Variants in HTR3E observed in about 807,000 individuals in gnomAD.
The protein encoded by HTR3E is 5-hydroxytryptamine receptor 3E, also known as 5-hydroxytryptamine (serotonin) receptor 3, family member E.
In HTR3E, 38 loss-of-function variants were observed where a neutral mutation model predicts 38.0. The ratio of observed to expected loss-of-function variants is 1.00; its 90% CI spans 0.77 to 1.31. The LOEUF (loss-of-function observed/expected upper bound fraction) is 1.31, where lower values mean the gene tolerates loss of function less well. Ranked by LOEUF, HTR3E falls within the 50% of genes most tolerant of loss-of-function variation. HTR3E has a pLI of 0.00. For synonymous variants in HTR3E, 210 were observed against 232.9 expected, an observed-to-expected ratio of 0.90 and a Z score of 0.89; for missense variants, 547 against 585.2, an observed-to-expected ratio of 0.93 and a Z score of 0.67.
intron 1 of HTR3E, chr3:184,100,254 C>T (rs1711942766): frequency 7.4e-7 from 1 of 1,351,922 alleles, no homozygotes; most frequent in Non-Finnish European, 1.0e-6. Context: ...CCTTAGTTAG[C>T]TCGTTTATTA....
At chr3:184,103,258 G>A (rs1305181144) in intron 3 of HTR3E, among the ~76,000 whole-genome samples, 1 of 152,112 alleles carries the variant, frequency 6.6e-6, no homozygotes, top group Non-Finnish European at 1.5e-5. Flanking sequence ...TAGGCAGGTG[G>A]ATCACTTGAG....
In HTR3E at chr3:184,100,549, T is replaced by C. The variant is rs1711971694; in HGVS notation, c.132T>C (p.Ala44=). The C allele has an allele frequency of 6.2e-7, 1 of 1,613,982 alleles. No homozygotes were observed. The highest frequency in any genetic ancestry group is 8.5e-7 in the Non-Finnish European group (1 of 1,180,022). Residue 44 remains alanine, a synonymous_variant, in exon 2 of 9, where the codon GCT becomes GCC. Coordinates refer to ENST00000415389, the MANE Select transcript of HTR3E (RefSeq NM_001256613.2). Reference sequence around the variant, plus strand: ...GCCAGCACGGGGCGGATCCCACTGCTCTGAATTCAGTGTTTAATAGAAAGC... The same window carrying C: ...GCCAGCACGGGGCGGATCCCACTGCCCTGAATTCAGTGTTTAATAGAAAGC... ...GFGQHGADPT[A]LNSVFNRKPF...
chr3:184,104,482 G>A (rs1235472131), intron 4 of HTR3E, 191 bp downstream of exon 4: 2 of 757,606 alleles, frequency 2.6e-6, no homozygotes, highest in Non-Finnish European at 3.9e-6. Context: ...AAGGTGGGTG[G>A]ATCACTTCAG....
In HTR3E at chr3:184,105,780, A is replaced by G. The variant is rs777333084; in HGVS notation, c.736A>G (p.Arg246Gly). ...ACCCCACCAGGTGGCCATCAGGCGC[A>G]GGCCCAGTCTCTATGTCATAAACCT... The part of the protein sequence containing the change: ...QIVFYVAIRR[R>G]PSLYVINLLV... Residue 246 changes from arginine to glycine, a missense_variant, in exon 7 of 9, where the codon AGG becomes GGG. Physicochemically the swap from Arg to Gly is moderately radical, Grantham distance 125. Coordinates refer to ENST00000415389, the MANE Select transcript of HTR3E (RefSeq NM_001256613.2). 3.1e-6 allele frequency: 5 copies of G among 1,614,012 alleles called. No homozygotes were observed. The highest frequency in any genetic ancestry group is 4.2e-6 in the Non-Finnish European group (5 of 1,179,892).
chr3:184,100,561 G>A lies in HTR3E; in HGVS notation c.144G>A (p.Val48=). ...CGGATCCCACTGCTCTGAATTCAGT[G>A]TTTAATAGAAAGCCCTTCCGTCCGG... is the stretch of plus-strand genomic sequence containing the variant. ...HGADPTALNS[V]FNRKPFRPVT... The change falls in exon 2 of 9, where the codon GTG becomes GTA. Residue 48 remains valine (V), a synonymous_variant. Transcript: ENST00000415389. 1 of 1,614,142 alleles carries A rather than the reference G, an allele frequency of 6.2e-7. No homozygotes were observed. Among genetic ancestry groups the A allele is most frequent in the Non-Finnish European group, 8.5e-7 (1 of 1,180,030 alleles).
At position 184,105,432 on chromosome 3, in the gene HTR3E, G is replaced by C; in HGVS notation, c.720+5G>C. ...TATGATCAGATCGTGTTCTATGTGA[G>C]CTTGGAGGCTCTTACTCTTTCCTTC... On this transcript the variant is annotated splice_donor_5th_base_variant and intron_variant, in intron 6 of 8. Coordinates refer to ENST00000415389, the MANE Select transcript of HTR3E (RefSeq NM_001256613.2). 1 of 1,596,162 alleles carries C rather than the reference G, an allele frequency of 6.3e-7. No homozygotes were observed. Among genetic ancestry groups the C allele is most frequent in the Non-Finnish European group, 8.5e-7 (1 of 1,172,596 alleles).
chr3:184,100,169 C>T (rs577350995), intron 1 of HTR3E: 301 of 1,412,672 alleles, frequency 2.1e-4, no homozygotes, highest in Middle Eastern at 5.3e-4. Context: ...AGCAGACAAA[C>T]CTGGGTTCAG....
In HTR3E at chr3:184,097,490, G is replaced by A. The variant is rs989445360; in HGVS notation, c.-40G>A. ...TGCTGCTTTAATCTGGGCATTCCTGGGTCCCAGTACATGTTCAGAGAAGAA... is the reference window on the plus strand; with the variant it reads ...TGCTGCTTTAATCTGGGCATTCCTGAGTCCCAGTACATGTTCAGAGAAGAA... On this transcript the variant is annotated 5_prime_UTR_variant, in exon 1 of 9. Transcript: ENST00000415389. 3 of 1,464,044 alleles carry A rather than the reference G, an allele frequency of 2.0e-6. No homozygotes were observed. The African/African-American group carries it at 4.2e-5, about 20-fold the overall frequency. 90.7% of individuals were successfully genotyped at this position (1,464,044 alleles called of 1,614,324 possible). A position where few individuals can be genotyped will look rare whatever the true frequency, so the allele number is the denominator to read the frequency against.
In HTR3E at chr3:184,101,527, A is replaced by G. The variant is rs139247072; in HGVS notation, c.277A>G (p.Met93Val). ...CTTGTCATCATTCCTGTGGCTGGAA[A>G]TGGTATGGACAACACTTTATTCTCT... The part of the protein sequence containing the change: ...HLLSSFLWLE[M>V]VWDNPFISWN... The change falls in exon 3 of 9, where the codon ATG becomes GTG. Residue 93 changes from methionine to valine, a missense_variant and splice_region_variant. Coordinates refer to ENST00000415389, the MANE Select transcript of HTR3E (RefSeq NM_001256613.2). The G allele has an allele frequency of 2.9e-5, 46 of 1,611,342 alleles. No individual in the cohort carries two copies. In the African/African-American group the frequency reaches 4.3e-4, roughly 15 times the overall value.
Position 184,105,463 on chromosome 3 carries a change from G to A in HTR3E, c.720+36G>A, listed in dbSNP as rs370577652. On this transcript the variant is annotated intron_variant, in intron 6 of 8. Coordinates refer to ENST00000415389, the MANE Select transcript of HTR3E (RefSeq NM_001256613.2). ...AGGCTCTTACTCTTTCCTTCCTCCC[G>A]CACTTTTACCCTTGCCTAGAATGTC... 42 of 1,569,006 alleles carry A rather than the reference G, an allele frequency of 2.7e-5. No individual in the cohort carries two copies. In the African/African-American group the frequency reaches 3.8e-4, roughly 14 times the overall value.
chr3:184,099,277 T>C (rs1711835939), intron 1 of HTR3E, among the ~76,000 whole-genome samples: 1 of 151,740 alleles, frequency 6.6e-6, no homozygotes, highest in East Asian at 2.0e-4. Flanking sequence ...GGAACGCCTG[T>C]AGTCACAGTT....
At chr3:184,105,490 A>C in intron 6 of HTR3E, 63 bp downstream of exon 6, 1 of 1,516,724 alleles carries the variant, frequency 6.6e-7, no homozygotes, top group South Asian at 1.3e-5. Flanking sequence ...TAGAATGTCC[A>C]TCAAATATGT....
intron 4 of HTR3E, 179 bp downstream of exon 4, chr3:184,104,470 C>T: frequency 2.1e-6 from 2 of 940,246 alleles, no homozygotes; most frequent in South Asian, 2.2e-5. Context: ...CTTTGGGAGG[C>T]CAAGGTGGGT....
rs552368441 is a variant in HTR3E, at chr3:184,097,617, G to C, written c.67+21G>C. 364 of 1,523,388 alleles carry C rather than the reference G, an allele frequency of 2.4e-4. 1 individual carries two copies. In the African/African-American group the frequency reaches 4.8e-3, roughly 20 times the overall value. 94.4% of individuals were successfully genotyped at this position (1,523,388 alleles called of 1,614,324 possible). On this transcript the variant is annotated intron_variant, in intron 1 of 8. Transcript: ENST00000415389. ...TCAAGGTAAGAAAGGAGCAATGATG[G>C]GGGAAGGCGGAAGAAGGAGGACCTC... is the stretch of plus-strand genomic sequence containing the variant.
At chr3:184,099,536 A>G (rs1202737816) in intron 1 of HTR3E, among the ~76,000 whole-genome samples, 3 of 151,598 alleles carry the variant, frequency 2.0e-5, no homozygotes, top group Non-Finnish European at 2.9e-5. Context: ...AACAAGGTGA[A>G]ACCCCGTCTC....
chr3:184,105,702 A>G, intron 6 of HTR3E, 63 bp from the exon 7 acceptor site: 8 of 1,331,238 alleles, frequency 6.0e-6, no homozygotes, highest in Non-Finnish European at 8.6e-6. Flanking sequence ...TGTCACTGCT[A>G]TTCCTGGATT....
chr3:184,101,280 G>T (rs867431142), intron 2 of HTR3E, among the ~76,000 whole-genome samples: 1 of 152,162 alleles, frequency 6.6e-6, no homozygotes. Flanking sequence ...CATATACAGC[G>T]AGGGTTGAGA....
At chr3:184,098,327 G>A (rs1711773176) in intron 1 of HTR3E, among the ~76,000 whole-genome samples, 1 of 152,196 alleles carries the variant, frequency 6.6e-6, no homozygotes, top group Non-Finnish European at 1.5e-5. Context: ...CTACCTTGCA[G>A]GGTTGTGAGG....
chr3:184,103,674 G>A (rs1459414748), intron 3 of HTR3E, among the ~76,000 whole-genome samples: 3 of 149,286 alleles, frequency 2.0e-5, no homozygotes, highest in Admixed American at 6.7e-5. Flanking sequence ...GCACACACCT[G>A]TAATCCCAGC....
Sources: gnomAD v4.1 joint callset for allele counts (sites outside exome capture counted in the v4.1 genomes callset) on GRCh38, gnomAD v4.1.1 for gene constraint, MANE v1.5 for transcripts, NCBI Gene and HGNC (gene_info 2026-07-23, HGNC 2026-07-21) for gene names.